Variants in SOX5 observed in about 807,000 individuals in gnomAD.
SOX5 encodes the protein transcription factor SOX-5.
In SOX5, 9 loss-of-function variants were observed where a neutral mutation model predicts 92.0. The observed-to-expected ratio is 0.10, with a 90% CI of 0.06 to 0.17. The LOEUF (loss-of-function observed/expected upper bound fraction) is 0.17. Ranked by LOEUF, SOX5 falls within the 10% of genes least tolerant of loss-of-function variation. SOX5 has a pLI of 1.00. For missense variants in SOX5, 642 were observed against 944.5 expected (o/e 0.68, Z 4.20); for synonymous variants, 344 against 336.3 (o/e 1.02, Z -0.25).
intron 4 of SOX5, among the ~76,000 whole-genome samples, chr12:24,111,741 T>C (rs1480823686): frequency 6.6e-6 from 1 of 152,176 alleles, no homozygotes; most frequent in Admixed American, 6.5e-5. Flanking sequence ...CTTAGAATTC[T>C]TCATGGCAAT....
At chr12:24,172,188 G>T (rs1954277930) in intron 4 of SOX5, among the ~76,000 whole-genome samples, 1 of 152,026 alleles carries the variant, frequency 6.6e-6, no homozygotes, top group Admixed American at 6.6e-5. Flanking sequence ...AATAAACCCT[G>T]GAGAGTCCCA....
chr12:23,671,362 T>C (rs1252005946), intron 6 of SOX5, among the ~76,000 whole-genome samples: 3 of 152,184 alleles, frequency 2.0e-5, no homozygotes, highest in Non-Finnish European at 2.9e-5. Context: ...TCCTTAGGGA[T>C]CAGTTCACCT....
intron 4 of SOX5, among the ~76,000 whole-genome samples, chr12:24,077,772 CATATAT>C (rs35914700): frequency 0.042 from 4,941 of 116,872 alleles, 270 homozygotes; most frequent in African/African-American, 0.13. Context: ...AAGGTATTTT[CATATAT>C]ATATATATAT....
In SOX5 at chr12:23,563,331, C is replaced by A; in HGVS notation, c.1415G>T (p.Arg472Leu). The change falls in exon 11 of 15, where the codon CGG (arginine) becomes CTG (leucine). Residue 472 changes from arginine to leucine, a missense_variant. By Grantham distance (102) the Arg-to-Leu change is moderately radical. Around this residue, in one of 8 missense-constraint regions of SOX5, gnomAD observed 324 missense variants for 461.6 expected, o/e 0.70. Transcript: ENST00000451604. ...CTTCCCATCAAGCACCTGTTGTTCCCGTCGGAGTTGCTCCTTCATTTGCCG... is the reference window on the plus strand; with the variant it reads ...CTTCCCATCAAGCACCTGTTGTTCCAGTCGGAGTTGCTCCTTCATTTGCCG... ...EARQMKEQLR[R>L]EQQVLDGKVA... The A allele has an allele frequency of 6.2e-7, 1 of 1,613,958 alleles. No homozygotes were observed. Among genetic ancestry groups the A allele is most frequent in the Non-Finnish European group, 8.5e-7 (1 of 1,179,902 alleles).
intron 3 of SOX5, among the ~76,000 whole-genome samples, chr12:24,223,680 A>C (rs984884595): frequency 2.0e-5 from 3 of 152,190 alleles, no homozygotes; most frequent in African/African-American, 7.2e-5. Context: ...GCTTGAGCCC[A>C]GAAGGTTGAG....
At chr12:23,748,902 T>C (rs1051676852) in intron 4 of SOX5, among the ~76,000 whole-genome samples, 1 of 151,998 alleles carries the variant, frequency 6.6e-6, no homozygotes, top group African/African-American at 2.4e-5. Context: ...CAGGAATCTG[T>C]CTACTAAATA....
intron 3 of SOX5, among the ~76,000 whole-genome samples, chr12:23,842,330 C>T (rs901439117): frequency 1.3e-5 from 2 of 151,940 alleles, no homozygotes; most frequent in African/African-American, 4.8e-5. Context: ...AATGAAGCTG[C>T]AATAATCCAT....
chr12:23,848,592 T>G (rs888542355), intron 2 of SOX5, among the ~76,000 whole-genome samples: 1 of 152,194 alleles, frequency 6.6e-6, no homozygotes. Context: ...TGTTAAGGAG[T>G]GCTAGCACAG....
At chr12:23,919,519 C>T (rs1243419713) in intron 1 of SOX5, among the ~76,000 whole-genome samples, 1 of 152,208 alleles carries the variant, frequency 6.6e-6, no homozygotes, top group Non-Finnish European at 1.5e-5. Context: ...TATATAGCAA[C>T]TAAGATATCA....
intron 8 of SOX5, among the ~76,000 whole-genome samples, chr12:23,633,486 T>C (rs2078821530): frequency 6.6e-6 from 1 of 152,074 alleles, no homozygotes; most frequent in African/African-American, 2.4e-5. Flanking sequence ...AAAATGAACA[T>C]AGATAAGTAA....
chr12:24,374,512 CA>C (rs1037801559), intron 1 of SOX5, among the ~76,000 whole-genome samples: 38 of 140,446 alleles, frequency 2.7e-4, no homozygotes, highest in African/African-American at 1.1e-3. Flanking sequence ...CACACACACA[CA>C]CATACACACA....
At chr12:23,957,214 CTG>C (rs1278602782) in intron 4 of SOX5, among the ~76,000 whole-genome samples, 2 of 152,082 alleles carry the variant, frequency 1.3e-5, no homozygotes, top group African/African-American at 2.4e-5. Context: ...GGAAAATAAA[CTG>C]TTACTAATTA....
chr12:24,110,017 G>A (rs981855505), intron 4 of SOX5, among the ~76,000 whole-genome samples: 2 of 152,136 alleles, frequency 1.3e-5, no homozygotes, highest in Admixed American at 6.6e-5. Flanking sequence ...CATGAATTTT[G>A]GAGGACACAT....
At chr12:23,536,308 T>C (rs999511874) in intron 14 of SOX5, 145 bp downstream of exon 14, 17 of 655,238 alleles carry the variant, frequency 2.6e-5, no homozygotes, top group Non-Finnish European at 4.5e-5. Context: ...TTCAAGATCA[T>C]GTGGGAGACT....
At chr12:23,650,592 A>G (rs1191118993) in intron 7 of SOX5, among the ~76,000 whole-genome samples, 1 of 152,116 alleles carries the variant, frequency 6.6e-6, no homozygotes, top group Non-Finnish European at 1.5e-5. Context: ...ATGGGCTGAT[A>G]GAGAAATTGG....
chr12:23,949,254 A>G (rs1223602187), intron 1 of SOX5, among the ~76,000 whole-genome samples: 2 of 152,202 alleles, frequency 1.3e-5, no homozygotes, highest in African/African-American at 2.4e-5. Flanking sequence ...TGAAGGAAGA[A>G]AGTAAGAGAG....
chr12:23,636,749 A>G (rs1311410448), intron 8 of SOX5, among the ~76,000 whole-genome samples: 1 of 152,178 alleles, frequency 6.6e-6, no homozygotes, highest in Non-Finnish European at 1.5e-5. Context: ...TATTAATGTC[A>G]ATTAGTCAGC....
intron 2 of SOX5, 56 bp from the exon 3 acceptor site, chr12:23,846,249 G>C: frequency 7.6e-7 from 1 of 1,312,718 alleles, no homozygotes; most frequent in Non-Finnish European, 1.1e-6. Context: ...AGAGCAAAAG[G>C]ACAAATAATT....
At chr12:23,984,634 A>G (rs1176443414) in intron 4 of SOX5, among the ~76,000 whole-genome samples, 1 of 152,196 alleles carries the variant, frequency 6.6e-6, no homozygotes, top group Non-Finnish European at 1.5e-5. Context: ...TATTGTCACT[A>G]TCTCACATCT....
Sources: allele counts gnomAD v4.1 joint callset (sites outside exome capture counted in the v4.1 genomes callset), GRCh38; gene constraint gnomAD v4.1.1; regional missense constraint gnomAD v4.1.1; transcripts MANE v1.5; gene names NCBI Gene and HGNC (gene_info 2026-07-23, HGNC 2026-07-21).